SH3BGRL2: variants seen among roughly 807,000 people sequenced by gnomAD.
The protein encoded by SH3BGRL2 is SH3 domain-binding glutamic acid-rich-like protein 2.
SH3BGRL2 carries 21 observed loss-of-function variants against 14.8 expected under a neutral mutation model. The ratio of observed to expected loss-of-function variants is 1.42; its 90% CI spans 1.01 to 2.05. The LOEUF (loss-of-function observed/expected upper bound fraction) is 2.05, where lower values mean the gene tolerates loss of function less well. SH3BGRL2 is among the 30% of genes most tolerant of loss of function. The probability of loss-of-function intolerance (pLI) is 0.00; values close to 1 mark genes in which losing one functional copy is unlikely to be tolerated. For synonymous variants in SH3BGRL2, 50 were observed against 47.8 expected (o/e 1.05, Z -0.19); for missense variants, 147 against 130.8 (o/e 1.12, Z -0.61).
At chr6:79,552,908 A>G in the SH3BGRL2 span, 1 of 152,122 alleles carries the variant, frequency 6.6e-6, no homozygotes, top group Non-Finnish European at 1.5e-5. Flanking sequence ...GATGGTTCTC[A>G]TCATGCTAAA....
chr6:79,602,643 A>G, the SH3BGRL2 span, among the ~76,000 whole-genome samples: 1 of 152,202 alleles, frequency 6.6e-6, no homozygotes, highest in African/African-American at 2.4e-5. Flanking sequence ...AGGTAGCAGA[A>G]TCTGTTCCAG....
chr6:79,659,184 T>A (rs945541588), intron 1 of SH3BGRL2, among the ~76,000 whole-genome samples: 1 of 152,224 alleles, frequency 6.6e-6, no homozygotes, highest in Non-Finnish European at 1.5e-5. Flanking sequence ...TGCCATTACT[T>A]TTGGTGTTTT....
intron 1 of SH3BGRL2, among the ~76,000 whole-genome samples, chr6:79,666,477 CTT>C (rs932186447): frequency 2.6e-5 from 4 of 152,148 alleles, no homozygotes; most frequent in African/African-American, 9.7e-5. Flanking sequence ...TTTGCATCCT[CTT>C]TTTTGACAGC....
the SH3BGRL2 span, among the ~76,000 whole-genome samples, chr6:79,559,392 A>G: frequency 6.6e-6 from 1 of 152,204 alleles, no homozygotes; most frequent in East Asian, 1.9e-4. Flanking sequence ...AAAGGACTCA[A>G]CACCACTCAT....
chr6:79,609,719 A>G, the SH3BGRL2 span, among the ~76,000 whole-genome samples: 1 of 152,310 alleles, frequency 6.6e-6, no homozygotes, highest in South Asian at 2.1e-4. Context: ...CTATATTCCC[A>G]TTAGCTGTCA....
the SH3BGRL2 span, among the ~76,000 whole-genome samples, chr6:79,567,739 TA>T: frequency 6.6e-6 from 1 of 152,170 alleles, no homozygotes; most frequent in African/African-American, 2.4e-5. Context: ...GTAAAAGAGA[TA>T]AATACAACTA....
chr6:79,669,146 G>A (rs986770241), intron 1 of SH3BGRL2, among the ~76,000 whole-genome samples: 2 of 152,182 alleles, frequency 1.3e-5, no homozygotes, highest in East Asian at 1.9e-4. Context: ...CCTCCTGCAC[G>A]CTGGTCCTTC....
chr6:79,619,676 T>C, the SH3BGRL2 span, among the ~76,000 whole-genome samples: 1 of 152,160 alleles, frequency 6.6e-6, no homozygotes, highest in Non-Finnish European at 1.5e-5. Flanking sequence ...ATTGCTGCTG[T>C]TTCCCCCATT....
chr6:79,631,595 C>G, intron 1 of SH3BGRL2, 89 bp downstream of exon 1: 1 of 1,104,410 alleles, frequency 9.1e-7, no homozygotes, highest in Non-Finnish European at 1.2e-6. Flanking sequence ...CGCGTCCTTG[C>G]GCTCAGCCGG....
At chr6:79,559,989 G>A in the SH3BGRL2 span, among the ~76,000 whole-genome samples, 2 of 152,086 alleles carry the variant, frequency 1.3e-5, no homozygotes, top group Non-Finnish European at 2.9e-5. Flanking sequence ...GAGACAGAAT[G>A]TGCAAGAGAA....
At chr6:79,667,222 T>TAC (rs1295042571) in intron 1 of SH3BGRL2, among the ~76,000 whole-genome samples, 1 of 152,302 alleles carries the variant, frequency 6.6e-6, no homozygotes, top group East Asian at 1.9e-4. Context: ...GGAAGTTAGG[T>TAC]ACAAAAACGG....
intron 1 of SH3BGRL2, among the ~76,000 whole-genome samples, chr6:79,658,025 C>T (rs908326491): frequency 1.3e-5 from 2 of 152,086 alleles, no homozygotes; most frequent in Non-Finnish European, 2.9e-5. Context: ...ACGGGCAGGG[C>T]GGTAGTAACC....
the SH3BGRL2 span, among the ~76,000 whole-genome samples, chr6:79,608,843 C>T: frequency 6.5e-4 from 99 of 152,228 alleles, 1 homozygote; most frequent in African/African-American, 2.3e-3. Flanking sequence ...GGACACAGTT[C>T]GAAACTAGGC....
chr6:79,560,205 G>A, the SH3BGRL2 span, among the ~76,000 whole-genome samples: 4 of 152,062 alleles, frequency 2.6e-5, no homozygotes, highest in African/African-American at 9.7e-5. Flanking sequence ...ATTCAGTAAA[G>A]GAAGCAGTTT....
chr6:79,559,341 G>C, the SH3BGRL2 span, among the ~76,000 whole-genome samples: 21 of 152,066 alleles, frequency 1.4e-4, no homozygotes, highest in Non-Finnish European at 2.9e-4. Flanking sequence ...ACGGTGGTTG[G>C]TGAGACAGGT....
chr6:79,599,828 C>T, the SH3BGRL2 span, among the ~76,000 whole-genome samples: 1 of 152,180 alleles, frequency 6.6e-6, no homozygotes, highest in Non-Finnish European at 1.5e-5. Flanking sequence ...TACAACAAGA[C>T]TAATACCCTC....
chr6:79,585,607 C>T, the SH3BGRL2 span, among the ~76,000 whole-genome samples: 1 of 152,066 alleles, frequency 6.6e-6, no homozygotes, highest in African/African-American at 2.4e-5. Context: ...ATCTGTGTTT[C>T]TATGTCAGTG....
chr6:79,567,158 C>T, the SH3BGRL2 span, among the ~76,000 whole-genome samples: 7 of 152,242 alleles, frequency 4.6e-5, no homozygotes, highest in Non-Finnish European at 8.8e-5. Context: ...TCCTTAATCT[C>T]TCCACACTCC....
intron 1 of SH3BGRL2, among the ~76,000 whole-genome samples, chr6:79,654,793 A>G (rs1388392492): frequency 6.6e-6 from 1 of 152,070 alleles, no homozygotes; most frequent in Non-Finnish European, 1.5e-5. Context: ...TACCTGCTTG[A>G]GGGGGGTGGT....
Sources: gnomAD v4.1 joint callset for allele counts (sites outside exome capture counted in the v4.1 genomes callset) on GRCh38, gnomAD v4.1.1 for gene constraint, MANE v1.5 for transcripts, NCBI Gene and HGNC (gene_info 2026-07-23, HGNC 2026-07-21) for gene names.